The following TBXAS1 variants were observed in gnomAD, a reference collection of about 807,000 sequenced individuals.
The protein encoded by TBXAS1 is thromboxane-A synthase.
TBXAS1 carries 48 observed loss-of-function variants against 60.7 expected under a neutral mutation model. That is an observed-to-expected ratio of 0.79 (90% CI 0.63 to 1.01). TBXAS1 has a LOEUF of 1.01. TBXAS1 is among the 50% of genes least tolerant of loss of function. The pLI is 0.00. For missense variants in TBXAS1, 685 were observed against 686.3 expected (o/e 1.00, Z 0.02); for synonymous variants, 287 against 269.7 (o/e 1.06, Z -0.63).
At chr7:139,816,881 C>T (rs1230091709) in intron 4 of TBXAS1, among the ~76,000 whole-genome samples, 3 of 152,132 alleles carry the variant, frequency 2.0e-5, no homozygotes, top group Admixed American at 6.5e-5. Flanking sequence ...CGTAGGGCTG[C>T]GTAGAGCAGG....
At chr7:139,971,390 G>A (rs1210712316) in intron 9 of TBXAS1, among the ~76,000 whole-genome samples, 1 of 151,782 alleles carries the variant, frequency 6.6e-6, no homozygotes, top group Non-Finnish European at 1.5e-5. Context: ...CCCCATCAGT[G>A]GACAAGTCAC....
chr7:139,960,732 C>CAA (rs538201159), intron 8 of TBXAS1, among the ~76,000 whole-genome samples: 7 of 72,404 alleles, frequency 9.7e-5, no homozygotes, highest in East Asian at 3.8e-4. Context: ...GGTGACAGAG[C>CAA]AAAAAAAAAA....
chr7:139,932,259 A>G (rs1300977330), intron 4 of TBXAS1, among the ~76,000 whole-genome samples: 1 of 152,004 alleles, frequency 6.6e-6, no homozygotes, highest in Non-Finnish European at 1.5e-5. Context: ...GCAAACTAAT[A>G]GAAAAAAGAG....
intron 9 of TBXAS1, among the ~76,000 whole-genome samples, chr7:139,997,009 C>T (rs972847037): frequency 1.3e-5 from 2 of 152,210 alleles, no homozygotes; most frequent in African/African-American, 4.8e-5. Flanking sequence ...ATGTCGTTGT[C>T]AGATCACACA....
At chr7:139,961,368 G>C (rs569911683) in intron 8 of TBXAS1, among the ~76,000 whole-genome samples, 1 of 152,288 alleles carries the variant, frequency 6.6e-6, no homozygotes, top group South Asian at 2.1e-4. Flanking sequence ...CTATCTATGT[G>C]ATGTTGCCAT....
Position 139,916,994 on chromosome 7 carries a change from G to C in TBXAS1, c.333+5673G>C, listed in dbSNP as rs2267698. On this transcript the variant is annotated intron_variant, in intron 4 of 12. Transcript: ENST00000448866. The surrounding 1 kb of genome is among the most constrained non-coding windows in gnomAD (Gnocchi z 4.2). ...CTCTTTCTCTTAAATCAAACATTGA[G>C]TAAATGAAGACACTCAGATGTTCAA... Among the ~76,000 whole-genome samples the C allele has an allele frequency of 6.6e-6, 1 of 152,160 alleles. No individual in the cohort carries two copies. Among genetic ancestry groups the C allele is most frequent in the African/African-American group, 2.4e-5 (1 of 41,404 alleles).
rs1797734296 is a variant in TBXAS1 at position 139,801,949 on chromosome 7, A to G, written c.-80+14523A>G. ...TGGCTAATTTTTGTATTTTTAGTAG[A>G]GATGGGGTTTTACCACATTGGCCAG... On this transcript the variant is annotated intron_variant, in intron 4 of 16. Coordinates refer to the TBXAS1 transcript ENST00000336425. 3.3e-5 allele frequency among the ~76,000 whole-genome samples: 5 copies of G among 152,158 alleles called. No individual in the cohort carries two copies. The South Asian group carries it at 1.0e-3, about 32-fold the overall frequency.
chr7:139,911,375 G>A, intron 4 of TBXAS1, 54 bp downstream of exon 4: 1 of 1,466,270 alleles, frequency 6.8e-7, no homozygotes, highest in Non-Finnish European at 9.6e-7. Context: ...CTCAGATGGA[G>A]ACACTGCATG....
At chr7:139,869,818 A>G (rs1299558302) in intron 1 of TBXAS1, among the ~76,000 whole-genome samples, 1 of 152,188 alleles carries the variant, frequency 6.6e-6, no homozygotes, top group Non-Finnish European at 1.5e-5. Context: ...ACCCATTACA[A>G]CTGGGGTTCA....
intron 4 of TBXAS1, among the ~76,000 whole-genome samples, chr7:139,930,265 TG>T (rs1296596566): frequency 1.3e-5 from 2 of 152,230 alleles, no homozygotes; most frequent in East Asian, 3.8e-4. Context: ...TCATGCTTAT[TG>T]TCCACCTTCT....
At chr7:139,926,800 C>G (rs958637150) in intron 4 of TBXAS1, among the ~76,000 whole-genome samples, 1 of 151,942 alleles carries the variant, frequency 6.6e-6, no homozygotes. Flanking sequence ...TTTGCCATAT[C>G]CCATTAGTTT....
rs1043389477 is a variant in TBXAS1, at chr7:139,850,549, T to G, written c.89+21070T>G. 5.3e-5 allele frequency among the ~76,000 whole-genome samples: 8 copies of G among 152,316 alleles called. No individual in the cohort carries two copies. The East Asian group carries it at 5.8e-4, about 11-fold the overall frequency. ...GACTTCTGTCAGTTCTGATGGTCTTTGCACTGGGCTGAGTAGTGTCCCCTC... is the reference window on the plus strand; with the variant it reads ...GACTTCTGTCAGTTCTGATGGTCTTGGCACTGGGCTGAGTAGTGTCCCCTC... On this transcript the variant is annotated intron_variant, in intron 1 of 12. Coordinates refer to ENST00000448866, the MANE Select transcript of TBXAS1 (RefSeq NM_001061.7).
chr7:139,990,299 G>A (rs1213813746), intron 9 of TBXAS1, among the ~76,000 whole-genome samples: 2 of 152,218 alleles, frequency 1.3e-5, no homozygotes, highest in Non-Finnish European at 2.9e-5. Context: ...GGACGTGAGG[G>A]CGCATTCGCC....
chr7:139,872,474 G>A, intron 2 of TBXAS1, 146 bp downstream of exon 2: 1 of 706,640 alleles, frequency 1.4e-6, no homozygotes, highest in Admixed American at 2.1e-5. Context: ...GACCAACATG[G>A]TGAAACCCCG....
intron 9 of TBXAS1, 56 bp downstream of exon 9, chr7:139,962,289 G>C: frequency 6.2e-7 from 1 of 1,601,886 alleles, no homozygotes; most frequent in Non-Finnish European, 8.5e-7. Context: ...AATTGATTTT[G>C]TGTTTGTGGG....
chr7:139,934,294 T>C (rs1409846830), intron 4 of TBXAS1, among the ~76,000 whole-genome samples: 1 of 152,062 alleles, frequency 6.6e-6, no homozygotes, highest in Non-Finnish European at 1.5e-5. Context: ...GTTCAAGTGA[T>C]TCTTCTGCCT....
intron 5 of TBXAS1, among the ~76,000 whole-genome samples, chr7:139,947,082 G>A (rs935438894): frequency 2.6e-5 from 4 of 152,000 alleles, no homozygotes; most frequent in Admixed American, 6.6e-5. Flanking sequence ...CCTCCTTTTA[G>A]AATTCACTCT....
chr7:139,837,874 T>A (rs549515899), intron 1 of TBXAS1, among the ~76,000 whole-genome samples: 1 of 152,322 alleles, frequency 6.6e-6, no homozygotes, highest in African/African-American at 2.4e-5. Flanking sequence ...TTGCTTCTTG[T>A]GCTCTCAACC....
intron 9 of TBXAS1, among the ~76,000 whole-genome samples, chr7:140,000,324 A>G (rs902195120): frequency 2.6e-5 from 4 of 152,114 alleles, no homozygotes; most frequent in Non-Finnish European, 5.9e-5. Context: ...ACATAGTGAG[A>G]TGTCCCCGCA....
Sources: allele counts gnomAD v4.1 joint callset (sites outside exome capture counted in the v4.1 genomes callset), GRCh38; gene constraint gnomAD v4.1.1; non-coding constraint Gnocchi (gnomAD v3.1); transcripts MANE v1.5; gene names NCBI Gene and HGNC (gene_info 2026-07-23, HGNC 2026-07-21).